The following NAALADL2 variants were observed in gnomAD, a reference collection of about 807,000 sequenced individuals.
NAALADL2 encodes inactive N-acetylated-alpha-linked acidic dipeptidase-like protein 2.
Under a neutral mutation model 87.2 loss-of-function variants are expected in NAALADL2, and 76 were observed. The ratio of observed to expected loss-of-function variants is 0.87; its 90% CI spans 0.72 to 1.05. NAALADL2 has a LOEUF of 1.05. NAALADL2 is among the 50% of genes least tolerant of loss of function. NAALADL2 has a pLI of 0.00. For synonymous variants in NAALADL2, 354 were observed against 331.0 expected, an observed-to-expected ratio of 1.07 and a Z score of -0.75; for missense variants, 1,089 against 945.8, an observed-to-expected ratio of 1.15 and a Z score of -1.99.
At chr3:174,526,796 C>T (rs1720800431) in intron 1 of NAALADL2, among the ~76,000 whole-genome samples, 1 of 151,744 alleles carries the variant, frequency 6.6e-6, no homozygotes, top group Admixed American at 6.6e-5. Flanking sequence ...CTTGCCTCAA[C>T]CTCCCGAGTA....
At chr3:174,458,148 T>C (rs185203351) in intron 1 of NAALADL2, among the ~76,000 whole-genome samples, 216 of 152,246 alleles carry the variant, frequency 1.4e-3, no homozygotes, top group Middle Eastern at 6.8e-3. Flanking sequence ...AAGTGAAAAA[T>C]GAATTTTTTT....
chr3:174,932,125 G>A (rs1736986789), intron 1 of NAALADL2, among the ~76,000 whole-genome samples: 2 of 152,148 alleles, frequency 1.3e-5, no homozygotes, highest in Admixed American at 6.5e-5. Flanking sequence ...GACCCCTGAT[G>A]GAGGCATGTG....
chr3:175,311,781 T>C (rs1325229648), intron 4 of NAALADL2, among the ~76,000 whole-genome samples: 1 of 151,826 alleles, frequency 6.6e-6, no homozygotes, highest in Non-Finnish European at 1.5e-5. Context: ...CTGAAGATTA[T>C]ATTCAGAACT....
chr3:175,342,190 G>T (rs559368544), intron 5 of NAALADL2, among the ~76,000 whole-genome samples: 13 of 152,096 alleles, frequency 8.5e-5, no homozygotes, highest in Admixed American at 2.0e-4. Context: ...AGTCTTTGAT[G>T]AAATGCTTTT....
At chr3:175,053,699 C>T (rs1411310246) in intron 1 of NAALADL2, among the ~76,000 whole-genome samples, 3 of 152,178 alleles carry the variant, frequency 2.0e-5, no homozygotes, top group Admixed American at 6.5e-5. Flanking sequence ...GTGTGACATC[C>T]GTTTGCCAAA....
At chr3:174,681,908 A>G (rs938010241) in intron 2 of NAALADL2, among the ~76,000 whole-genome samples, 1 of 152,180 alleles carries the variant, frequency 6.6e-6, no homozygotes, top group African/African-American at 2.4e-5. Context: ...GGTGGGGACA[A>G]CTGCCCTGAA....
At chr3:175,736,329 TTAA>T (rs1744500821) in intron 11 of NAALADL2, among the ~76,000 whole-genome samples, 1 of 152,218 alleles carries the variant, frequency 6.6e-6, no homozygotes, top group South Asian at 2.1e-4. Context: ...CACAGATGTA[TTAA>T]TACTATTAGT....
chr3:174,595,910 G>A (rs1717853051), intron 2 of NAALADL2, among the ~76,000 whole-genome samples: 1 of 152,124 alleles, frequency 6.6e-6, no homozygotes, highest in South Asian at 2.1e-4. Context: ...TACTTGGGAG[G>A]CTGAGGCAGG....
At chr3:174,849,403 A>G (rs1375601390) in intron 3 of NAALADL2, among the ~76,000 whole-genome samples, 1 of 151,982 alleles carries the variant, frequency 6.6e-6, no homozygotes, top group Non-Finnish European at 1.5e-5. Flanking sequence ...CTTTTGTTCT[A>G]TTTTTAATGC....
In NAALADL2 at chr3:175,363,816, A is replaced by T. The variant is rs1257740228; in HGVS notation, c.1090+39491A>T. 2.0e-5 allele frequency among the ~76,000 whole-genome samples: 3 copies of T among 148,092 alleles called. 1 individual carries two copies. Among genetic ancestry groups the T allele is most frequent in the Non-Finnish European group, 4.5e-5 (3 of 66,512 alleles). ...TATTGCTTTGACTTTAACTCAAGAC[A>T]TTCTTCTGGGTTTTGTAATCTCTCA... On this transcript the variant is annotated intron_variant, in intron 5 of 13. Coordinates refer to ENST00000454872, the MANE Select transcript of NAALADL2 (RefSeq NM_207015.3).
At chr3:174,608,683 C>T (rs1440458644) in intron 2 of NAALADL2, among the ~76,000 whole-genome samples, 3 of 151,762 alleles carry the variant, frequency 2.0e-5, no homozygotes, top group Non-Finnish European at 4.4e-5. Context: ...AGCTTACTAA[C>T]CAAAAAGAGT....
At chr3:175,476,616 T>C (rs1217521012) in intron 9 of NAALADL2, among the ~76,000 whole-genome samples, 1 of 152,156 alleles carries the variant, frequency 6.6e-6, no homozygotes, top group Non-Finnish European at 1.5e-5. Context: ...CAAGAAATAA[T>C]GCTCATTCCC....
chr3:175,300,616 G>A lies in NAALADL2; in HGVS notation c.940-23559G>A, dbSNP rs181039994. ...TTCTCTGATGGTAGTTTGTATTTCT[G>A]TGGGATCAGTGGTGATCCCCCCTTT... On this transcript the variant is annotated intron_variant, in intron 4 of 13. Transcript: ENST00000454872. Among the ~76,000 whole-genome samples, 206 of 152,014 alleles carry A rather than the reference G, an allele frequency of 1.4e-3. 1 individual carries two copies. The highest frequency in any genetic ancestry group is 2.4e-3 in the Non-Finnish European group (161 of 67,962).
chr3:175,742,694 G>A (rs995418078), intron 12 of NAALADL2, among the ~76,000 whole-genome samples: 13 of 152,166 alleles, frequency 8.5e-5, no homozygotes, highest in Non-Finnish European at 8.8e-5. Flanking sequence ...ACCGCGCCCG[G>A]CCCTATGTAA....
At chr3:174,642,988 C>T (rs942482726) in intron 2 of NAALADL2, among the ~76,000 whole-genome samples, 1 of 151,906 alleles carries the variant, frequency 6.6e-6, no homozygotes, top group Admixed American at 6.6e-5. Context: ...CACTATGTTA[C>T]CCAGCCTGGT....
At chr3:174,885,149 G>C (rs73045469) in intron 1 of NAALADL2, among the ~76,000 whole-genome samples, 6,456 of 152,200 alleles carry the variant, frequency 0.042, 425 homozygotes, top group African/African-American at 0.14. Flanking sequence ...TATCCCAATT[G>C]CAAGTTGTAG....
At chr3:175,109,480 C>T (rs924896851) in intron 2 of NAALADL2, among the ~76,000 whole-genome samples, 1 of 150,986 alleles carries the variant, frequency 6.6e-6, no homozygotes, top group African/African-American at 2.4e-5. Context: ...ACAATAGGAA[C>T]ATACTTGTTT....
intron 9 of NAALADL2, among the ~76,000 whole-genome samples, chr3:175,493,989 A>T (rs1728473725): frequency 6.6e-6 from 1 of 152,074 alleles, no homozygotes; most frequent in Non-Finnish European, 1.5e-5. Context: ...TGTAACATAC[A>T]AGGCTTAAAA....
intron 3 of NAALADL2, among the ~76,000 whole-genome samples, chr3:174,795,376 T>G (rs1430353530): frequency 2.0e-5 from 3 of 152,128 alleles, no homozygotes; most frequent in African/African-American, 7.2e-5. Context: ...TGTAATTTCC[T>G]GAAATATTTT....
Sources: gnomAD v4.1 joint callset for allele counts (sites outside exome capture counted in the v4.1 genomes callset) on GRCh38, gnomAD v4.1.1 for gene constraint, MANE v1.5 for transcripts, NCBI Gene and HGNC (gene_info 2026-07-23, HGNC 2026-07-21) for gene names.